Variants in ASB3 observed in about 807,000 individuals in gnomAD.
The protein encoded by ASB3 is ankyrin repeat and SOCS box containing 3, also known as ankyrin repeat and SOCS box protein 3.
In ASB3, 41 loss-of-function variants were observed where a neutral mutation model predicts 54.5. That is an observed-to-expected ratio of 0.75 (90% CI 0.59 to 0.98). ASB3 has a LOEUF of 0.98. ASB3 is among the 50% of genes least tolerant of loss of function. ASB3 has a pLI of 0.00. For synonymous variants in ASB3, 266 were observed against 221.2 expected (o/e 1.20, Z -1.80); for missense variants, 733 against 620.0 (o/e 1.18, Z -1.94).
At chr2:53,731,306 G>A (rs989078084) in intron 3 of ASB3, among the ~76,000 whole-genome samples, 5 of 152,150 alleles carry the variant, frequency 3.3e-5, no homozygotes, top group African/African-American at 1.2e-4. Flanking sequence ...AGAGGCTGAG[G>A]CAGGAGAATC....
At position 53,691,793 on chromosome 2, in the gene ASB3, C is replaced by T. The variant is rs558284061; in HGVS notation, c.1369+2091G>A. 2.0e-5 allele frequency among the ~76,000 whole-genome samples: 3 copies of T among 152,280 alleles called. No homozygotes were observed. The South Asian group carries it at 6.2e-4, about 32-fold the overall frequency. The stretch of plus-strand genomic sequence containing the variant: ...CAGGCAACTAAGTTTTTCTCCCAGT[C>T]TTACTAAAATTCCAGCATTGTAATG... On this transcript the variant is annotated intron_variant, in intron 9 of 9. Coordinates refer to ENST00000263634, the MANE Select transcript of ASB3 (RefSeq NM_016115.5).
At chr2:53,687,826 T>C (rs1403080493) in intron 9 of ASB3, among the ~76,000 whole-genome samples, 2 of 152,188 alleles carry the variant, frequency 1.3e-5, no homozygotes, top group African/African-American at 4.8e-5. Context: ...TCTTTTTTTA[T>C]CTTTTAAGAG....
chr2:53,768,143 T>A, intron 1 of ASB3: 1 of 1,143,492 alleles, frequency 8.7e-7, no homozygotes. Context: ...AGCACATGGC[T>A]TGGGGTAACA....
At chr2:53,744,041 T>C (rs1204857494) in intron 3 of ASB3, among the ~76,000 whole-genome samples, 1 of 122,856 alleles carries the variant, frequency 8.1e-6, no homozygotes, top group Non-Finnish European at 1.7e-5. Flanking sequence ...AGACTCTGTC[T>C]CAAAAAAAAA....
intron 1 of ASB3, among the ~76,000 whole-genome samples, chr2:53,784,686 GTCCATGTGTA>G (rs1674837486): frequency 6.6e-6 from 1 of 152,124 alleles, no homozygotes; most frequent in Non-Finnish European, 1.5e-5. Flanking sequence ...CTCCCTGTGT[GTCCATGTGTA>G]TCCAAATTTC....
intron 5 of ASB3, 34 bp from the exon 6 acceptor site, chr2:53,716,777 C>A (rs367919037): frequency 5.2e-6 from 8 of 1,540,710 alleles, no homozygotes; most frequent in Non-Finnish European, 6.1e-6. Context: ...TAACAGATAA[C>A]CCTAATACTT....
intron 5 of ASB3, among the ~76,000 whole-genome samples, chr2:53,725,298 G>C (rs182972839): frequency 4.6e-5 from 7 of 152,306 alleles, no homozygotes; most frequent in African/African-American, 1.7e-4. Context: ...GGGGAGGCAG[G>C]GAACAGGGCA....
Position 53,716,630 on chromosome 2 carries a change from G to A in ASB3, c.718C>T (p.Leu240Phe). The A allele has an allele frequency of 3.1e-6, 5 of 1,614,168 alleles. No homozygotes were observed. The highest frequency in any genetic ancestry group is 4.2e-6 in the Non-Finnish European group (5 of 1,180,018). The change falls in exon 6 of 10, where the codon CTT becomes TTT. Residue 240 changes from leucine to phenylalanine, a missense_variant. Coordinates refer to ENST00000263634, the MANE Select transcript of ASB3 (RefSeq NM_016115.5). The part of the protein sequence containing the change: ...LLLSSGADPD[L>F]YCNEDSWQLP... ...TGCCAACTGTCCTCATTACAGTAAA[G>A]ATCAGGATCTGCCCCACTGGAGAGC...
At position 53,675,447 on chromosome 2, in the gene ASB3, G is replaced by T. The variant is rs113377990; in HGVS notation, c.1370-4757C>A. ...ATATTTTAACAAGAACAAGGTGATT[G>T]ACTAGGCTTTATTAATGTAATTCTT... On this transcript the variant is annotated intron_variant, in intron 9 of 9. Coordinates refer to ENST00000263634, the MANE Select transcript of ASB3 (RefSeq NM_016115.5). 3.0e-3 allele frequency among the ~76,000 whole-genome samples: 464 copies of T among 152,220 alleles called. 3 individuals are homozygous for T. The highest frequency in any genetic ancestry group is 0.011 in the African/African-American group (446 of 41,542).
At chr2:53,672,348 T>C (rs1334871330) in intron 9 of ASB3, among the ~76,000 whole-genome samples, 2 of 152,176 alleles carry the variant, frequency 1.3e-5, no homozygotes, top group Non-Finnish European at 2.9e-5. Context: ...TACTTAAATT[T>C]GACACTTTTC....
chr2:53,726,339 C>A (rs189932902), intron 5 of ASB3, among the ~76,000 whole-genome samples: 3 of 150,616 alleles, frequency 2.0e-5, no homozygotes, highest in Non-Finnish European at 4.4e-5. Context: ...AGGCTCACTG[C>A]AACCTCTACC....
Position 53,714,310 on chromosome 2 carries a change from A to G in ASB3, c.980+74T>C. On this transcript the variant is annotated intron_variant, in intron 7 of 9. Coordinates refer to ENST00000263634, the MANE Select transcript of ASB3 (RefSeq NM_016115.5). ...ACAGAGATACTAAGTTTCATCGTGA[A>G]AGAAAGTCACTTCAAAACACATCTC... 17 of 1,539,386 alleles carry G rather than the reference A, an allele frequency of 1.1e-5. No individual in the cohort carries two copies. In the South Asian group the frequency reaches 2.1e-4, roughly 19 times the overall value.
chr2:53,752,815 A>G (rs1481518983), intron 2 of ASB3, among the ~76,000 whole-genome samples: 1 of 152,236 alleles, frequency 6.6e-6, no homozygotes, highest in Non-Finnish European at 1.5e-5. Context: ...AAAGGAAGGT[A>G]CCCATCAGGG....
At chr2:53,753,425 A>T (rs1340928866) in intron 2 of ASB3, among the ~76,000 whole-genome samples, 1 of 152,210 alleles carries the variant, frequency 6.6e-6, no homozygotes, top group Non-Finnish European at 1.5e-5. Context: ...GGCTAGAATG[A>T]ACCATGTGTT....
chr2:53,692,215 C>G (rs1558519580), intron 9 of ASB3, among the ~76,000 whole-genome samples: 1 of 152,174 alleles, frequency 6.6e-6, no homozygotes, highest in Non-Finnish European at 1.5e-5. Context: ...CCAGTGTTAA[C>G]TCGCTCTCTT....
At position 53,727,621 on chromosome 2, in the gene ASB3, G is replaced by C. The variant is rs562606360; in HGVS notation, c.604+1091C>G. ...ACTATACTCTAGCCTGGGTGATGGA[G>C]CAAGGCCTGGCCTCAATCAATCAAT... On this transcript the variant is annotated intron_variant, in intron 5 of 9. Transcript: ENST00000263634. Among the ~76,000 whole-genome samples the C allele has an allele frequency of 7.2e-5, 11 of 152,322 alleles. No individual in the cohort carries two copies. The South Asian group carries it at 1.7e-3, about 23-fold the overall frequency.
At chr2:53,757,964 A>C (rs1672927666) in intron 2 of ASB3, among the ~76,000 whole-genome samples, 1 of 152,190 alleles carries the variant, frequency 6.6e-6, no homozygotes, top group Non-Finnish European at 1.5e-5. Flanking sequence ...TGACAACATA[A>C]TAGATCAGGA....
chr2:53,765,294 G>A, intron 2 of ASB3, 83 bp downstream of exon 2: 1 of 1,548,060 alleles, frequency 6.5e-7, no homozygotes, highest in Non-Finnish European at 8.8e-7. Flanking sequence ...AAATACTACT[G>A]TTAATAAGTT....
rs895944686 is a variant in ASB3, at chr2:53,687,253, T to TA, written c.1369+6630dup. Among the ~76,000 whole-genome samples, 88 of 145,734 alleles carry TA rather than the reference T, an allele frequency of 6.0e-4. 1 individual carries two copies. The highest frequency in any genetic ancestry group is 1.6e-3 in the Admixed American group (23 of 14,642). On this transcript the variant is annotated intron_variant, in intron 9 of 9. Coordinates refer to ENST00000263634, the MANE Select transcript of ASB3 (RefSeq NM_016115.5). ...TCAAGTTTAACTATAAATTTCTCGC[T>TA]AAAAAAAAAACAAAAACAAAAACAA...
Sources: gnomAD v4.1 joint callset for allele counts (sites outside exome capture counted in the v4.1 genomes callset) on GRCh38, gnomAD v4.1.1 for gene constraint, MANE v1.5 for transcripts, NCBI Gene and HGNC (gene_info 2026-07-23, HGNC 2026-07-21) for gene names.